PCDH7: variants seen among roughly 807,000 people sequenced by gnomAD.
The protein encoded by PCDH7 is protocadherin 7, also known as protocadherin-7.
A neutral mutation model predicts 58.9 loss-of-function variants in PCDH7; 17 were observed. The observed-to-expected ratio is 0.29, with a 90% CI of 0.20 to 0.43. The LOEUF is 0.43. PCDH7 is among the 20% of genes least tolerant of loss of function. The pLI is 1.00. For synonymous variants in PCDH7, 664 were observed against 616.4 expected, an observed-to-expected ratio of 1.08 and a Z score of -1.14; for missense variants, 1,274 against 1,441.0, an observed-to-expected ratio of 0.88 and a Z score of 1.88.
chr4:31,040,957 G>A, intron 3 of PCDH7, among the ~76,000 whole-genome samples: 1 of 152,006 alleles, frequency 6.6e-6, no homozygotes. Flanking sequence ...GGGTTACAGA[G>A]TTGTGGAAAA....
chr4:30,784,427 G>C (rs1723151792), intron 1 of PCDH7, among the ~76,000 whole-genome samples: 1 of 152,128 alleles, frequency 6.6e-6, no homozygotes, highest in Non-Finnish European at 1.5e-5. Flanking sequence ...TTCTTATGTA[G>C]TTAACATATG....
intron 1 of PCDH7, among the ~76,000 whole-genome samples, chr4:30,854,597 C>G (rs910034681): frequency 3.3e-5 from 5 of 151,842 alleles, no homozygotes; most frequent in Non-Finnish European, 7.4e-5. Flanking sequence ...ATTTCAGAGA[C>G]AGAAAGTCCT....
intron 3 of PCDH7, among the ~76,000 whole-genome samples, chr4:31,098,387 CAATT>C (rs1249161478): frequency 1.3e-5 from 2 of 152,130 alleles, no homozygotes; most frequent in Non-Finnish European, 2.9e-5. Context: ...TATTTTATAT[CAATT>C]AGTTTATACA....
chr4:30,816,281 G>A (rs1727658269), intron 1 of PCDH7, among the ~76,000 whole-genome samples: 1 of 152,052 alleles, frequency 6.6e-6, no homozygotes. Context: ...GTATAATGCT[G>A]CTAGTGGCAT....
chr4:30,723,283 G>A lies in PCDH7; in HGVS notation c.1861G>A (p.Gly621Ser), dbSNP rs1419265328. 2 of 1,614,104 alleles carry A rather than the reference G, an allele frequency of 1.2e-6. No homozygotes were observed. The highest frequency in any genetic ancestry group is 1.7e-5 in the Admixed American group (1 of 60,010). Residue 621 changes from glycine to serine, a missense_variant, in exon 1 of 2, where the codon GGC (glycine) becomes AGC (serine). Around this residue, in one of 3 missense-constraint regions of PCDH7, gnomAD observed 731 missense variants for 881.9 expected, o/e 0.83. Coordinates refer to ENST00000361762, the Ensembl canonical transcript of PCDH7. This position sits in a 1 kb window ranked among gnomAD's most constrained non-coding sequence, Gnocchi z 4.6. ...AGACAAAGGCATCCCCGTGCTGCAG[G>A]GCAGCACTACGGTGATTGTGCAGGT...
At chr4:30,889,591 T>C (rs973714468) in intron 1 of PCDH7, among the ~76,000 whole-genome samples, 2 of 152,132 alleles carry the variant, frequency 1.3e-5, no homozygotes, top group Non-Finnish European at 2.9e-5. Context: ...AAACTGGTGG[T>C]TTATAAACCC....
chr4:30,916,969 A>G (rs890296852), intron 1 of PCDH7, among the ~76,000 whole-genome samples: 1 of 152,164 alleles, frequency 6.6e-6, no homozygotes, highest in Non-Finnish European at 1.5e-5. Flanking sequence ...TAGGTTGAAG[A>G]ATTATCACGT....
chr4:30,751,561 G>A (rs1283411634), intron 1 of PCDH7, among the ~76,000 whole-genome samples: 1 of 151,970 alleles, frequency 6.6e-6, no homozygotes, highest in African/African-American at 2.4e-5. Context: ...TTATATAATT[G>A]GATCCAAATA....
At chr4:30,861,384 T>G (rs1256207847) in intron 1 of PCDH7, among the ~76,000 whole-genome samples, 1 of 151,586 alleles carries the variant, frequency 6.6e-6, no homozygotes, top group South Asian at 2.1e-4. Flanking sequence ...ACTAAATGCA[T>G]GTATGCTTGT....
At chr4:31,028,155 T>C (rs893514414) in intron 3 of PCDH7, among the ~76,000 whole-genome samples, 5 of 152,190 alleles carry the variant, frequency 3.3e-5, no homozygotes, top group African/African-American at 1.2e-4. Flanking sequence ...CCTTAAATAA[T>C]GTCCGCTGAC....
chr4:31,137,196 A>G (rs1719703033), intron 3 of PCDH7, among the ~76,000 whole-genome samples: 1 of 152,236 alleles, frequency 6.6e-6, no homozygotes, highest in Admixed American at 6.5e-5. Context: ...CAAGAAACAT[A>G]GAAAGAAAAC....
chr4:31,121,576 A>G (rs890696327), intron 3 of PCDH7, among the ~76,000 whole-genome samples: 14 of 152,318 alleles, frequency 9.2e-5, no homozygotes, highest in African/African-American at 9.6e-5. Context: ...ATCTTTTTAT[A>G]TACAATCAGG....
chr4:30,721,677 C>A lies in PCDH7; in HGVS notation c.255C>A (p.Ser85Arg), dbSNP rs889820758. Reference sequence around the variant, plus strand: ...TCGACAACCTCACTGGCGAGCTGAGCACGAGCGAGCGGCGCATCGACCGCG... The same window carrying A: ...TCGACAACCTCACTGGCGAGCTGAGAACGAGCGAGCGGCGCATCGACCGCG... The change falls in exon 1 of 2, where the codon AGC (serine) becomes AGA (arginine). Residue 85 changes from serine (S) to arginine (R), a missense_variant. This residue lies in a region of PCDH7 where 212 missense variants were observed against 255.8 expected (regional missense o/e 0.83). Transcript: ENST00000361762. This position sits in a 1 kb window ranked among gnomAD's most constrained non-coding sequence, Gnocchi z 6.7. 6.2e-7 allele frequency: 1 copy of A among 1,613,850 alleles called. No homozygotes were observed. The highest frequency in any genetic ancestry group is 1.3e-5 in the African/African-American group (1 of 74,940).
intron 3 of PCDH7, among the ~76,000 whole-genome samples, chr4:31,079,340 A>G (rs1484474200): frequency 1.1e-5 from 1 of 87,478 alleles, no homozygotes; most frequent in Non-Finnish European, 2.1e-5. Context: ...ATATATATAT[A>G]TATATATATA....
intron 3 of PCDH7, among the ~76,000 whole-genome samples, chr4:30,973,078 A>C (rs1425885269): frequency 6.6e-6 from 1 of 152,212 alleles, no homozygotes; most frequent in Non-Finnish European, 1.5e-5. Flanking sequence ...ACAAATTCCC[A>C]AAAAATGTGG....
intron 3 of PCDH7, among the ~76,000 whole-genome samples, chr4:31,114,947 T>C (rs1373972614): frequency 6.6e-6 from 1 of 152,206 alleles, no homozygotes; most frequent in East Asian, 1.9e-4. Flanking sequence ...TCATTCTTTT[T>C]CTCCCATTAG....
At chr4:30,919,150 C>A (rs758767922) in intron 1 of PCDH7, among the ~76,000 whole-genome samples, 2 of 152,128 alleles carry the variant, frequency 1.3e-5, no homozygotes, top group African/African-American at 2.4e-5. Context: ...TTTTCAAATT[C>A]ATGCAGCAGC....
rs1426874502 is a variant in PCDH7 at position 30,723,029 on chromosome 4, G to A, written c.1607G>A (p.Gly536Asp). 1.2e-6 allele frequency: 2 copies of A among 1,613,754 alleles called. No homozygotes were observed. The highest frequency in any genetic ancestry group is 1.1e-5 in the South Asian group (1 of 91,086). The change falls in exon 1 of 2, where the codon GGC becomes GAC. Residue 536 changes from glycine to aspartate, a missense_variant. Coordinates refer to ENST00000361762, the Ensembl canonical transcript of PCDH7. This position sits in a 1 kb window ranked among gnomAD's most constrained non-coding sequence, Gnocchi z 4.6. ...ACCAACGACAACCCGCCCATGTTCGGCCAGTCGGTGGTGGAGGTTTACTTC... is the reference window on the plus strand; with the variant it reads ...ACCAACGACAACCCGCCCATGTTCGACCAGTCGGTGGTGGAGGTTTACTTC...
intron 2 of PCDH7, chr4:30,935,330 T>A: frequency 1.0e-6 from 1 of 983,034 alleles, no homozygotes; most frequent in Non-Finnish European, 1.2e-6. Context: ...ACTGGCCTCA[T>A]ATTTAGCTGT....
Sources: gnomAD v4.1 joint callset for allele counts (sites outside exome capture counted in the v4.1 genomes callset) on GRCh38, gnomAD v4.1.1 for gene constraint, gnomAD v4.1.1 regional missense constraint, Gnocchi (gnomAD v3.1) non-coding constraint, MANE v1.5 for transcripts, NCBI Gene and HGNC (gene_info 2026-07-23, HGNC 2026-07-21) for gene names.